The following CTNNBL1 variants were observed in gnomAD, a reference collection of about 807,000 sequenced individuals.
The protein encoded by CTNNBL1 is catenin beta like 1.
CTNNBL1 carries 31 observed loss-of-function variants against 72.7 expected under a neutral mutation model. The ratio of observed to expected loss-of-function variants is 0.43; its 90% CI spans 0.32 to 0.58. The LOEUF (loss-of-function observed/expected upper bound fraction) is 0.58, where lower values mean the gene tolerates loss of function less well. Among genes scored for constraint, CTNNBL1 ranks in the 20% least tolerant of loss-of-function variants. The pLI is 0.08. For synonymous variants in CTNNBL1, 240 were observed against 267.3 expected (o/e 0.90, Z 1.00); for missense variants, 534 against 725.1 (o/e 0.74, Z 3.03).
chr20:37,855,823 C>T (rs1270597756), intron 13 of CTNNBL1, among the ~76,000 whole-genome samples: 1 of 152,226 alleles, frequency 6.6e-6, no homozygotes, highest in Non-Finnish European at 1.5e-5. Flanking sequence ...AGTCCTTCCC[C>T]GTTTCCTGAT....
rs145653944 is a variant in CTNNBL1 at position 37,766,361 on chromosome 20, T to C, written c.658+1071T>C. 7.5e-3 allele frequency among the ~76,000 whole-genome samples: 1,144 copies of C among 151,550 alleles called. 11 individuals carry two copies. The highest frequency in any genetic ancestry group is 0.026 in the African/African-American group (1,066 of 41,260). ...GTCAGCTACTAACAGCTCAGGAGAG[T>C]CTTCCCTCTCTCTCACTTATTGAGT... is the stretch of plus-strand genomic sequence containing the variant. On this transcript the variant is annotated intron_variant, in intron 6 of 15. Transcript: ENST00000361383.
intron 10 of CTNNBL1, among the ~76,000 whole-genome samples, chr20:37,798,720 G>A (rs1439565318): frequency 1.3e-5 from 2 of 152,176 alleles, no homozygotes; most frequent in Non-Finnish European, 2.9e-5. Context: ...AAAAAGAGAG[G>A]CTTGGCTACA....
chr20:37,737,493 C>T lies in CTNNBL1; in HGVS notation c.326+9C>T, dbSNP rs1207029947. 5.8e-6 allele frequency: 9 copies of T among 1,546,966 alleles called. No homozygotes were observed. Among genetic ancestry groups the T allele is most frequent in the Non-Finnish European group, 8.0e-6 (9 of 1,122,444 alleles). ...CCAGACAATCCAGAGAAGTAAGGTT[C>T]TGTTCCACTGATACCATGTCTCCTC... On this transcript the variant is annotated intron_variant, in intron 3 of 15. Coordinates refer to ENST00000361383, the MANE Select transcript of CTNNBL1 (RefSeq NM_030877.5).
rs868684347 is a variant in CTNNBL1 at position 37,806,244 on chromosome 20, A to G, written c.1213+3196A>G. Reference sequence around the variant, plus strand: ...TGTGACAAGCACCTAGGGGTAGCCCAGCTCCTAGGTGGAACACTGAGGCCT... The same window carrying G: ...TGTGACAAGCACCTAGGGGTAGCCCGGCTCCTAGGTGGAACACTGAGGCCT... On this transcript the variant is annotated intron_variant, in intron 11 of 15. Coordinates refer to ENST00000361383, the MANE Select transcript of CTNNBL1 (RefSeq NM_030877.5). Among the ~76,000 whole-genome samples, 5 of 152,328 alleles carry G rather than the reference A, an allele frequency of 3.3e-5. No individual in the cohort carries two copies. The South Asian group carries it at 8.3e-4, about 25-fold the overall frequency.
At chr20:37,835,731 A>AT (rs917318761) in intron 11 of CTNNBL1, among the ~76,000 whole-genome samples, 2 of 152,248 alleles carry the variant, frequency 1.3e-5, no homozygotes, top group Non-Finnish European at 1.5e-5. Context: ...CAAGAATAAA[A>AT]TAACGCAAAA....
At chr20:37,855,987 A>G (rs2072436928) in intron 13 of CTNNBL1, among the ~76,000 whole-genome samples, 1 of 152,096 alleles carries the variant, frequency 6.6e-6, no homozygotes, top group Non-Finnish European at 1.5e-5. Context: ...CTGTAATCCC[A>G]GCACTTTGGG....
At chr20:37,700,736 T>C (rs1213748820) in intron 1 of CTNNBL1, among the ~76,000 whole-genome samples, 1 of 152,352 alleles carries the variant, frequency 6.6e-6, no homozygotes, top group Non-Finnish European at 1.5e-5. Flanking sequence ...ATTCCACAGA[T>C]GTCTGGAAAA....
intron 13 of CTNNBL1, among the ~76,000 whole-genome samples, chr20:37,857,804 C>T (rs1160861139): frequency 1.3e-5 from 2 of 151,662 alleles, no homozygotes; most frequent in African/African-American, 4.8e-5. Context: ...CCATCAGAAG[C>T]ATGTATTGAG....
chr20:37,723,887 T>G (rs950435618), intron 1 of CTNNBL1, among the ~76,000 whole-genome samples: 1 of 152,214 alleles, frequency 6.6e-6, no homozygotes, highest in African/African-American at 2.4e-5. Flanking sequence ...TGATGTTAAC[T>G]TTGGCAGGTT....
intron 4 of CTNNBL1, 69 bp downstream of exon 4, chr20:37,746,676 G>T (rs1464580420): frequency 1.9e-6 from 3 of 1,551,514 alleles, no homozygotes; most frequent in Non-Finnish European, 2.7e-6. Context: ...TCTTTCTCCT[G>T]TCTCTCTTTG....
At chr20:37,734,625 C>T (rs533620858) in intron 2 of CTNNBL1, among the ~76,000 whole-genome samples, 21 of 152,220 alleles carry the variant, frequency 1.4e-4, no homozygotes, top group Non-Finnish European at 2.8e-4. Flanking sequence ...TGGAAGGCTA[C>T]AAGTCCAGGA....
At chr20:37,751,968 T>G (rs915505525) in intron 4 of CTNNBL1, among the ~76,000 whole-genome samples, 7 of 152,242 alleles carry the variant, frequency 4.6e-5, no homozygotes, top group Non-Finnish European at 1.0e-4. Context: ...AAGCCACTTA[T>G]TTTTTGGAAC....
At chr20:37,849,321 C>T (rs2072374838) in intron 13 of CTNNBL1, among the ~76,000 whole-genome samples, 1 of 152,244 alleles carries the variant, frequency 6.6e-6, no homozygotes, top group African/African-American at 2.4e-5. Flanking sequence ...GGCCTTGCAT[C>T]GCCCTCGGGA....
At chr20:37,860,478 CTG>C (rs1365302272) in intron 15 of CTNNBL1, 134 bp downstream of exon 15, 1 of 728,066 alleles carries the variant, frequency 1.4e-6, no homozygotes, top group Non-Finnish European at 2.4e-6. Context: ...GTCCATTTCA[CTG>C]TGTGTCCAGG....
intron 11 of CTNNBL1, among the ~76,000 whole-genome samples, chr20:37,814,990 A>G (rs1211067469): frequency 6.6e-6 from 1 of 152,098 alleles, no homozygotes; most frequent in Non-Finnish European, 1.5e-5. Context: ...GGAAAGTAAA[A>G]ATCACCCCCA....
intron 15 of CTNNBL1, among the ~76,000 whole-genome samples, chr20:37,871,591 C>T (rs972701925): frequency 1.3e-5 from 2 of 152,090 alleles, no homozygotes; most frequent in South Asian, 2.1e-4. Flanking sequence ...TAAAGGCCTT[C>T]GATGCGTTGA....
chr20:37,737,827 G>A (rs1001269800), intron 3 of CTNNBL1, among the ~76,000 whole-genome samples: 1 of 152,238 alleles, frequency 6.6e-6, no homozygotes, highest in Non-Finnish European at 1.5e-5. Flanking sequence ...CAACATGTGT[G>A]CAGTGATGCT....
At chr20:37,706,227 G>A (rs576550627) in intron 1 of CTNNBL1, among the ~76,000 whole-genome samples, 3 of 152,142 alleles carry the variant, frequency 2.0e-5, no homozygotes, top group Non-Finnish European at 4.4e-5. Flanking sequence ...GGGTGGCTGT[G>A]GCAATTTCTT....
intron 1 of CTNNBL1, among the ~76,000 whole-genome samples, chr20:37,709,130 C>T (rs760746924): frequency 2.1e-4 from 32 of 151,580 alleles, no homozygotes; most frequent in Non-Finnish European, 3.7e-4. Context: ...AGCAAGACTC[C>T]GTCCAAAAAA....
Sources: gnomAD v4.1 joint callset for allele counts (sites outside exome capture counted in the v4.1 genomes callset) on GRCh38, gnomAD v4.1.1 for gene constraint, MANE v1.5 for transcripts, NCBI Gene and HGNC (gene_info 2026-07-23, HGNC 2026-07-21) for gene names.